The following VNN2 variants were observed in gnomAD, a reference collection of about 807,000 sequenced individuals.
VNN2 encodes the protein pantetheine hydrolase VNN2.
VNN2 carries 43 observed loss-of-function variants against 43.0 expected under a neutral mutation model. The ratio of observed to expected loss-of-function variants is 1.00; its 90% CI spans 0.78 to 1.29. The LOEUF is 1.29. Ranked by LOEUF, VNN2 falls within the 50% of genes most tolerant of loss-of-function variation. The probability of loss-of-function intolerance (pLI) is 0.00; values close to 1 mark genes in which losing one functional copy is unlikely to be tolerated. For missense variants in VNN2, 652 were observed against 619.7 expected (o/e 1.05, Z -0.55); for synonymous variants, 230 against 224.3 (o/e 1.03, Z -0.23).
chr6:132,749,691 T>C lies in VNN2; in HGVS notation c.1371+4A>G. On this transcript the variant is annotated splice_donor_region_variant and intron_variant, in intron 6 of 6. Transcript: ENST00000326499. ...TGAAAATACTCTTATAAAAGTCCTC[T>C]TACCTCAAATTTTCCAGGTGACAGA... 6.2e-7 allele frequency: 1 copy of C among 1,610,488 alleles called. No individual in the cohort carries two copies. Among genetic ancestry groups the C allele is most frequent in the Non-Finnish European group, 8.5e-7 (1 of 1,178,286 alleles).
chr6:132,758,344 A>G (rs965296780), upstream of VNN2, among the ~76,000 whole-genome samples: 2 of 151,894 alleles, frequency 1.3e-5, no homozygotes, highest in African/African-American at 4.8e-5. Context: ...CACTTGGCCT[A>G]CTTTATAATC....
chr6:132,761,246 C>A (rs905853006), upstream of VNN2, among the ~76,000 whole-genome samples: 1 of 151,822 alleles, frequency 6.6e-6, no homozygotes, highest in South Asian at 2.1e-4. Context: ...AATTGTAATT[C>A]GTTGCTAAAA....
chr6:132,749,952 G>C, intron 5 of VNN2, 87 bp from the exon 6 acceptor site: 1 of 1,229,120 alleles, frequency 8.1e-7, no homozygotes, highest in African/African-American at 1.5e-5. Flanking sequence ...TAACTACAGC[G>C]AAGCAAACAT....
rs770336991 is a variant in VNN2, at chr6:132,751,341, T to C, written c.1004A>G (p.Asn335Ser). The C allele has an allele frequency of 1.2e-6, 2 of 1,613,956 alleles. No individual in the cohort carries two copies. Among genetic ancestry groups the C allele is most frequent in the African/African-American group, 1.3e-5 (1 of 74,888 alleles). ...CCTGGAAATAAATCCCCTGAAAGTG[T>C]TTTTCTGTACTGGAAATGGTTTGAT... ...TTIKPFPVQKNTFRGFISRDG... is the reference protein window; with the variant it reads ...TTIKPFPVQKSTFRGFISRDG... The change falls in exon 5 of 7, where the codon AAC (asparagine) becomes AGC (serine). Residue 335 changes from asparagine to serine, a missense_variant. Coordinates refer to ENST00000326499, the MANE Select transcript of VNN2 (RefSeq NM_004665.6).
intron 6 of VNN2, among the ~76,000 whole-genome samples, chr6:132,747,832 C>T (rs35176445): frequency 0.034 from 5,141 of 152,232 alleles, 125 homozygotes; most frequent in Middle Eastern, 0.088. Flanking sequence ...TGCACTATCA[C>T]CATCCACCTT....
intron 3 of VNN2, chr6:132,754,034 T>C (rs1780304652): frequency 6.7e-6 from 1 of 149,422 alleles, no homozygotes; most frequent in Non-Finnish European, 1.5e-5. Flanking sequence ...AGGTCATGGG[T>C]TACAAACGGT....
intron 6 of VNN2, 79 bp from the exon 7 acceptor site, chr6:132,744,570 C>A: frequency 7.3e-7 from 1 of 1,376,504 alleles, no homozygotes; most frequent in Non-Finnish European, 9.7e-7. Context: ...TGAAACCATC[C>A]TAGATATAAT....
At chr6:132,753,969 AAAAAAAAAAG>A (rs1780298486) in intron 3 of VNN2, 1 of 151,884 alleles carries the variant, frequency 6.6e-6, no homozygotes, top group Admixed American at 6.6e-5. Context: ...AAAAAAAAAA[AAAAAAAAAAG>A]GAATTGATCG....
chr6:132,749,301 A>C (rs1779907813), intron 6 of VNN2, among the ~76,000 whole-genome samples: 1 of 152,216 alleles, frequency 6.6e-6, no homozygotes, highest in South Asian at 2.1e-4. Context: ...AAGAACTTGC[A>C]AAGATTTGTT....
rs1416438094 is a variant in VNN2, at chr6:132,749,918, T to C, written c.1201-53A>G. 2.7e-6 allele frequency: 4 copies of C among 1,500,564 alleles called. No individual in the cohort carries two copies. In the East Asian group the frequency reaches 9.6e-5, roughly 36 times the overall value. 93.0% of individuals were successfully genotyped at this position (1,500,564 alleles called of 1,614,324 possible). On this transcript the variant is annotated intron_variant, in intron 5 of 6. Transcript: ENST00000326499. Reference sequence around the variant, plus strand: ...CAATGCCTTACATTGAAGTTACTCATACCAGAAATGTTGCCTTAGTTTTTA... The same window carrying C: ...CAATGCCTTACATTGAAGTTACTCACACCAGAAATGTTGCCTTAGTTTTTA...
upstream of VNN2, chr6:132,758,005 TC>T: frequency 5.5e-6 from 1 of 180,656 alleles, no homozygotes; most frequent in Non-Finnish European, 8.7e-6. Flanking sequence ...TCATTTTTCT[TC>T]TTCTTCTTCT....
At chr6:132,744,928 A>C (rs996773812) in intron 6 of VNN2, among the ~76,000 whole-genome samples, 1 of 152,060 alleles carries the variant, frequency 6.6e-6, no homozygotes, top group Non-Finnish European at 1.5e-5. Context: ...AGAAAAAAAA[A>C]ACTGAACTGG....
chr6:132,757,460 G>A lies in VNN2; in HGVS notation c.300C>T (p.Ile100=), dbSNP rs960616846. The A allele has an allele frequency of 1.2e-5, 20 of 1,613,866 alleles. No homozygotes were observed. Among genetic ancestry groups the A allele is most frequent in the Non-Finnish European group, 1.7e-5 (20 of 1,179,966 alleles). The change falls in exon 2 of 7, where the codon ATC becomes ATT. Residue 100 remains isoleucine, a synonymous_variant. Coordinates refer to ENST00000326499, the MANE Select transcript of VNN2 (RefSeq NM_004665.6). ...RETVFPYLED[I]PDPQVNWIPC... The stretch of plus-strand genomic sequence containing the variant: ...GAATCCAGTTCACCTGAGGGTCTGG[G>A]ATATCCTCCAGATAAGGGAAAACAG...
At chr6:132,745,738 T>A (rs772341049) in intron 6 of VNN2, among the ~76,000 whole-genome samples, 24 of 152,170 alleles carry the variant, frequency 1.6e-4, no homozygotes, top group Non-Finnish European at 3.4e-4. Context: ...AATGACTAGA[T>A]CTAGCCTGAA....
chr6:132,749,567 G>T, intron 6 of VNN2, 128 bp downstream of exon 6: 1 of 979,464 alleles, frequency 1.0e-6, no homozygotes, highest in Non-Finnish European at 1.5e-6. Flanking sequence ...CACAGAACCA[G>T]GGCTAAAGAA....
intron 5 of VNN2, 71 bp downstream of exon 5, chr6:132,751,074 G>C: frequency 6.6e-7 from 1 of 1,517,088 alleles, no homozygotes; most frequent in Non-Finnish European, 8.8e-7. Flanking sequence ...CTGGTTTTCT[G>C]GAACAAATAT....
chr6:132,761,123 A>G (rs1361165689), upstream of VNN2, among the ~76,000 whole-genome samples: 1 of 152,206 alleles, frequency 6.6e-6, no homozygotes, highest in Non-Finnish European at 1.5e-5. Flanking sequence ...CAGGACATAC[A>G]GTTTCAATAG....
upstream of VNN2, among the ~76,000 whole-genome samples, chr6:132,762,424 A>G (rs1358625685): frequency 6.6e-6 from 1 of 152,234 alleles, no homozygotes; most frequent in East Asian, 1.9e-4. Flanking sequence ...CTCCAGTGTT[A>G]AAACTGTTCC....
At position 132,751,331 on chromosome 6, in the gene VNN2, C is replaced by G. The variant is rs987610303; in HGVS notation, c.1014G>C (p.Arg338Ser). The change falls in exon 5 of 7, where the codon AGG (arginine) becomes AGC (serine). Residue 338 changes from arginine to serine, a missense_variant. Coordinates refer to ENST00000326499, the MANE Select transcript of VNN2 (RefSeq NM_004665.6). The stretch of plus-strand genomic sequence containing the variant: ...TGAACCCATCCCTGGAAATAAATCC[C>G]CTGAAAGTGTTTTTCTGTACTGGAA... ...KPFPVQKNTF[R>S]GFISRDGFNF... 3.7e-6 allele frequency: 6 copies of G among 1,614,094 alleles called. No individual in the cohort carries two copies. Among genetic ancestry groups the G allele is most frequent in the Non-Finnish European group, 5.1e-6 (6 of 1,180,020 alleles).
Sources: gnomAD v4.1 joint callset for allele counts (sites outside exome capture counted in the v4.1 genomes callset) on GRCh38, gnomAD v4.1.1 for gene constraint, MANE v1.5 for transcripts, NCBI Gene and HGNC (gene_info 2026-07-23, HGNC 2026-07-21) for gene names.